The following CHN1 variants were observed in gnomAD, a reference collection of about 807,000 sequenced individuals.
The protein encoded by CHN1 is N-chimaerin.
A neutral mutation model predicts 59.5 loss-of-function variants in CHN1; 37 were observed. That is an observed-to-expected ratio of 0.62 (90% CI 0.48 to 0.82). CHN1 has a LOEUF of 0.82. Ranked by LOEUF, CHN1 falls within the 40% of genes least tolerant of loss-of-function variation. The probability of loss-of-function intolerance (pLI) is 0.00; values close to 1 mark genes in which losing one functional copy is unlikely to be tolerated. For missense variants in CHN1, 469 were observed against 571.0 expected (o/e 0.82, Z 1.82); for synonymous variants, 206 against 200.4 (o/e 1.03, Z -0.24).
chr2:174,823,553 C>G (rs1291031420), intron 8 of CHN1, among the ~76,000 whole-genome samples: 1 of 151,940 alleles, frequency 6.6e-6, no homozygotes, highest in East Asian at 1.9e-4. Flanking sequence ...GTCCCAGCTA[C>G]TCGGGAGGCT....
intron 1 of CHN1, among the ~76,000 whole-genome samples, chr2:174,989,817 C>A (rs1691477423): frequency 6.6e-6 from 1 of 151,792 alleles, no homozygotes; most frequent in Admixed American, 6.6e-5. Context: ...GCATGTTTAT[C>A]TTAAATGTAC....
intron 10 of CHN1, among the ~76,000 whole-genome samples, chr2:174,809,297 T>C (rs573896660): frequency 6.6e-6 from 1 of 152,342 alleles, no homozygotes; most frequent in East Asian, 1.9e-4. Context: ...TTATAGCCCT[T>C]ATTAAAATAA....
chr2:174,988,272 G>A (rs1412399202), intron 1 of CHN1, among the ~76,000 whole-genome samples: 1 of 151,458 alleles, frequency 6.6e-6, no homozygotes, highest in Non-Finnish European at 1.5e-5. Context: ...CAGGAGAATG[G>A]CGTGAACCCG....
chr2:174,938,272 C>T (rs1182053542), intron 3 of CHN1, among the ~76,000 whole-genome samples: 1 of 152,164 alleles, frequency 6.6e-6, no homozygotes, highest in Admixed American at 6.6e-5. Flanking sequence ...TTCATCAAGC[C>T]TAACTCTGAA....
At chr2:174,998,302 CAAAAAA>C (rs34770658) in intron 1 of CHN1, among the ~76,000 whole-genome samples, 1 of 48,802 alleles carries the variant, frequency 2.0e-5, no homozygotes, top group Non-Finnish European at 3.6e-5. Flanking sequence ...GACTCTGTCT[CAAAAAA>C]AAAAAAAAAA....
At chr2:174,832,357 T>A (rs1002460657) in intron 7 of CHN1, among the ~76,000 whole-genome samples, 4 of 152,076 alleles carry the variant, frequency 2.6e-5, no homozygotes, top group Admixed American at 1.3e-4. Flanking sequence ...TTGGTTTAAT[T>A]GATTCTTCTT....
intron 3 of CHN1, among the ~76,000 whole-genome samples, chr2:174,940,601 T>C (rs1689629644): frequency 1.3e-5 from 2 of 152,144 alleles, no homozygotes; most frequent in South Asian, 4.2e-4. Context: ...GTACACATTC[T>C]GAATTTGTCT....
rs181352593 is a variant in CHN1 at position 174,841,845 on chromosome 2, T to A, written c.627+5035A>T. ...CATAATGAAGCATTCTAGATTGTCA[T>A]TTCCCTTTTGTAATATTGCATTTAC... is the stretch of plus-strand genomic sequence containing the variant. On this transcript the variant is annotated intron_variant, in intron 7 of 12. Coordinates refer to ENST00000409900, the MANE Select transcript of CHN1 (RefSeq NM_001822.7). Among the ~76,000 whole-genome samples, 47 of 152,314 alleles carry A rather than the reference T, an allele frequency of 3.1e-4. 1 individual carries two copies. Among genetic ancestry groups the A allele is most frequent in the Admixed American group, 2.9e-3 (45 of 15,302 alleles).
intron 7 of CHN1, among the ~76,000 whole-genome samples, chr2:174,844,548 C>CA (rs1686437215): frequency 6.6e-6 from 1 of 152,178 alleles, no homozygotes; most frequent in African/African-American, 2.4e-5. Context: ...GACAAGGATA[C>CA]ATGAATGATT....
At chr2:174,984,151 T>C (rs1283651237) in intron 1 of CHN1, among the ~76,000 whole-genome samples, 1 of 151,974 alleles carries the variant, frequency 6.6e-6, no homozygotes, top group African/African-American at 2.4e-5. Flanking sequence ...CTTCATTTTA[T>C]CCATGGGGAA....
Position 174,966,336 on chromosome 2 carries a change from G to GA in CHN1, c.20-14135dup, listed in dbSNP as rs374813590. Among the ~76,000 whole-genome samples the GA allele has an allele frequency of 5.5e-3, 777 of 142,352 alleles. 7 individuals carry two copies. Among genetic ancestry groups the GA allele is most frequent in the African/African-American group, 0.014 (545 of 38,990 alleles). The allele number at this position is 142,352 out of a possible 152,430, so 93.4% of individuals were successfully genotyped here. On this transcript the variant is annotated intron_variant, in intron 1 of 12. Coordinates refer to ENST00000409900, the MANE Select transcript of CHN1 (RefSeq NM_001822.7). ...ACCCAGAACCGTTAATACTCAGGAA[G>GA]AAAAAAAAAAACAAACACTTCTGAA...
intron 7 of CHN1, among the ~76,000 whole-genome samples, chr2:174,836,756 A>C (rs1686094739): frequency 6.6e-6 from 1 of 152,190 alleles, no homozygotes. Flanking sequence ...CCTGGATCTA[A>C]GCCAGTACAT....
chr2:174,846,599 C>T (rs1326556521), intron 7 of CHN1, among the ~76,000 whole-genome samples: 1 of 152,196 alleles, frequency 6.6e-6, no homozygotes, highest in East Asian at 1.9e-4. Flanking sequence ...CCAAAATCAT[C>T]ATTAACTGAG....
At chr2:174,941,419 C>G (rs572445770) in intron 3 of CHN1, among the ~76,000 whole-genome samples, 2 of 152,218 alleles carry the variant, frequency 1.3e-5, no homozygotes, top group South Asian at 4.1e-4. Flanking sequence ...ATTAATGCCA[C>G]CAATTCAAAA....
At position 174,962,985 on chromosome 2, in the gene CHN1, A is replaced by C. The variant is rs75005388; in HGVS notation, c.20-10783T>G. Among the ~76,000 whole-genome samples the C allele has an allele frequency of 4.8e-3, 727 of 152,330 alleles. 5 individuals are homozygous for C. The highest frequency in any genetic ancestry group is 0.017 in the African/African-American group (689 of 41,564). On this transcript the variant is annotated intron_variant, in intron 1 of 12. Transcript: ENST00000409900. ...GACTATTTAAATTAAGTATATACCC[A>C]TAAAATCTATTAAAAGGTTTTCTCC...
chr2:174,910,426 A>G (rs1275545572), intron 5 of CHN1, among the ~76,000 whole-genome samples: 1 of 152,118 alleles, frequency 6.6e-6, no homozygotes, highest in Non-Finnish European at 1.5e-5. Context: ...ACTCTTGGAC[A>G]GAGTCTAAAC....
intron 5 of CHN1, 81 bp from the exon 6 acceptor site, chr2:174,878,209 A>C: frequency 5.4e-6 from 7 of 1,293,620 alleles, no homozygotes; most frequent in Non-Finnish European, 7.3e-6. Context: ...AAAACAAAAA[A>C]AAACTATCGC....
intron 1 of CHN1, among the ~76,000 whole-genome samples, chr2:174,996,444 T>G (rs1330538399): frequency 6.6e-6 from 1 of 152,238 alleles, no homozygotes; most frequent in African/African-American, 2.4e-5. Flanking sequence ...CAATATTAGC[T>G]ACTATGTATC....
chr2:174,842,131 A>G (rs1686327313), intron 7 of CHN1, among the ~76,000 whole-genome samples: 1 of 152,176 alleles, frequency 6.6e-6, no homozygotes, highest in African/African-American at 2.4e-5. Context: ...GGTCCCCCGC[A>G]TGTCACACTG....
Sources: allele counts gnomAD v4.1 joint callset (sites outside exome capture counted in the v4.1 genomes callset), GRCh38; gene constraint gnomAD v4.1.1; transcripts MANE v1.5; gene names NCBI Gene and HGNC (gene_info 2026-07-23, HGNC 2026-07-21).